The following UVSSA variants were observed in gnomAD, a reference collection of about 807,000 sequenced individuals.
The protein encoded by UVSSA is UV-stimulated scaffold protein A.
Under a neutral mutation model 73.9 loss-of-function variants are expected in UVSSA, and 72 were observed. That is an observed-to-expected ratio of 0.97 (90% CI 0.81 to 1.19). The LOEUF is 1.19. UVSSA is among the 50% of genes most tolerant of loss of function. The pLI is 0.00. For missense variants in UVSSA, 1,150 were observed against 965.0 expected (o/e 1.19, Z -2.54); for synonymous variants, 454 against 391.3 (o/e 1.16, Z -1.89).
intron 13 of UVSSA, chr4:1,384,284 C>G: frequency 3.3e-6 from 1 of 301,370 alleles, no homozygotes. Flanking sequence ...CCTGGCTGTA[C>G]CCCCAGGTCA....
intron 10 of UVSSA, among the ~76,000 whole-genome samples, chr4:1,376,830 G>A (rs1052030908): frequency 3.3e-5 from 5 of 152,216 alleles, no homozygotes; most frequent in Admixed American, 1.3e-4. Flanking sequence ...CCGCAGGACG[G>A]TTCTCCACAC....
In UVSSA at chr4:1,347,280, C is replaced by G. The variant is rs1227082857; in HGVS notation, c.-483C>G. On this transcript the variant is annotated 5_prime_UTR_variant, in exon 1 of 14. Coordinates refer to ENST00000389851, the MANE Select transcript of UVSSA (RefSeq NM_020894.4). ...CGGGCGGGGGTCGCGCCGGTTCGGTCCCCGGGGCTCTGCGGGCGCCGGGCA... is the reference window on the plus strand; with the variant it reads ...CGGGCGGGGGTCGCGCCGGTTCGGTGCCCGGGGCTCTGCGGGCGCCGGGCA... The G allele has an allele frequency of 2.2e-5, 3 of 138,898 alleles. No individual in the cohort carries two copies. Among genetic ancestry groups the G allele is most frequent in the African/African-American group, 4.9e-5 (2 of 40,828 alleles). The allele number at this position is 138,898 out of a possible 1,614,324, so 8.6% of individuals were successfully genotyped here. A position where few individuals can be genotyped will look rare whatever the true frequency, so the allele number is the denominator to read the frequency against.
rs558249341 is a variant in UVSSA at position 1,375,479 on chromosome 4, G to C, written c.1404G>C (p.Arg468=). ...CGGCTGCTCAGCTGCGGCAGCTCCG[G>C]GACCACTTGCCTCCACCCTCATCTG... ...TSAAAQLRQL[R]DHLPPPSSAS... is the part of the protein sequence containing the mutation. Residue 468 remains arginine (R), a synonymous_variant, in exon 9 of 14, where the codon CGG becomes CGC. Coordinates refer to ENST00000389851, the MANE Select transcript of UVSSA (RefSeq NM_020894.4). The C allele has an allele frequency of 5.7e-5, 92 of 1,611,838 alleles. 1 individual carries two copies. In the East Asian group the frequency reaches 2.0e-3, roughly 36 times the overall value.
At chr4:1,342,354 G>A (rs1236115395), upstream of UVSSA, among the ~76,000 whole-genome samples, 6 of 152,142 alleles carry the variant, frequency 3.9e-5, no homozygotes, top group Non-Finnish European at 8.8e-5. Context: ...ATTTTGACCT[G>A]ATGCGCTGAT....
rs778220986 is a variant in UVSSA, at chr4:1,383,902, T to C, written c.1998T>C (p.Asp666=). The change falls in exon 13 of 14, where the codon GAT becomes GAC. Residue 666 remains aspartate (D), a synonymous_variant. Coordinates refer to ENST00000389851, the MANE Select transcript of UVSSA (RefSeq NM_020894.4). ...TCACCAACCTGAAGGCTCAGGCTGA[T>C]ACCGCCCGCGCTCGCATTGGGAGAA... ...PSLTNLKAQA[D]TARARIGRKV... 1.2e-6 allele frequency: 2 copies of C among 1,613,320 alleles called. No homozygotes were observed. The highest frequency in any genetic ancestry group is 1.7e-5 in the Admixed American group (1 of 60,006).
At chr4:1,370,557 G>A (rs990268164) in intron 8 of UVSSA, among the ~76,000 whole-genome samples, 2 of 152,254 alleles carry the variant, frequency 1.3e-5, no homozygotes, top group South Asian at 4.1e-4. Flanking sequence ...AGGAGCTCCC[G>A]AGCGGGACAG....
At chr4:1,359,800 T>A (rs1416340288) in intron 7 of UVSSA, among the ~76,000 whole-genome samples, 6 of 152,112 alleles carry the variant, frequency 3.9e-5, no homozygotes, top group Non-Finnish European at 7.4e-5. Context: ...ATCTTTGGAG[T>A]TAGATGCCAG....
At chr4:1,369,132 C>T (rs1387151964) in intron 8 of UVSSA, among the ~76,000 whole-genome samples, 5 of 152,242 alleles carry the variant, frequency 3.3e-5, no homozygotes, top group African/African-American at 9.6e-5. Flanking sequence ...GCCGTTCTGC[C>T]GTTCTGCCGT....
At chr4:1,389,081 C>T (rs1453953695), downstream of UVSSA, 2 of 152,112 alleles carry the variant, frequency 1.3e-5, no homozygotes, top group Non-Finnish European at 2.9e-5. Flanking sequence ...TTCCCTAATT[C>T]AGTATCTTCA....
chr4:1,395,377 C>T (rs1185992393), exon 14 of UVSSA: 2 of 1,558,918 alleles, frequency 1.3e-6, no homozygotes, highest in Non-Finnish European at 8.6e-7. Flanking sequence ...ATGTGGAGTG[C>T]CCGCCTGCTC....
At chr4:1,365,488 G>A (rs1717187044) in intron 7 of UVSSA, among the ~76,000 whole-genome samples, 1 of 152,210 alleles carries the variant, frequency 6.6e-6, no homozygotes. Flanking sequence ...AGGGGAAAAA[G>A]AAAGCAAGCC....
At chr4:1,381,514 G>A (rs1719499141) in intron 12 of UVSSA, among the ~76,000 whole-genome samples, 1 of 152,168 alleles carries the variant, frequency 6.6e-6, no homozygotes, top group African/African-American at 2.4e-5. Flanking sequence ...GGGCAGCACT[G>A]CCACATCAGC....
In UVSSA at chr4:1,385,618, C is replaced by T. The variant is rs564966898; in HGVS notation, c.2037-250C>T. 492 of 543,724 alleles carry T rather than the reference C, an allele frequency of 9.0e-4. 4 individuals carry two copies. The East Asian group carries it at 0.012, about 13-fold the overall frequency. 33.7% of individuals were successfully genotyped at this position (543,724 alleles called of 1,614,324 possible). On this transcript the variant is annotated intron_variant, in intron 13 of 13. Transcript: ENST00000389851. ...GGTGGGGCTGGGGCCACCTTCACCG[C>T]GCAGAACCACCCGCCGCAGACTCCG...
rs144339897 is a variant in UVSSA at position 1,353,025 on chromosome 4, G to A, written c.551-5G>A. The stretch of plus-strand genomic sequence containing the variant: ...CAGCAAACAGGTGTCTTGATCTTCC[G>A]GCAGAAATGTCTGGAGAAATTGAAT... On this transcript the variant is annotated splice_polypyrimidine_tract_variant and splice_region_variant and intron_variant, in intron 4 of 13. Transcript: ENST00000389851. 2.1e-4 allele frequency: 344 copies of A among 1,603,490 alleles called. No homozygotes were observed. The highest frequency in any genetic ancestry group is 1.4e-3 in the African/African-American group (103 of 74,894).
chr4:1,388,054 C>T (rs1440332224), downstream of UVSSA: 1 of 151,606 alleles, frequency 6.6e-6, no homozygotes, highest in African/African-American at 2.4e-5. Context: ...TCATGAGCTT[C>T]TGATTATCTT....
In UVSSA at chr4:1,349,730, C is replaced by G. The variant is rs372384911; in HGVS notation, c.305C>G (p.Pro102Arg). ...GTDPAQPLPP[P>R]REAAQRLRQA... is the part of the protein sequence containing the mutation. ...GACCCCGCACAGCCTCTGCCGCCCCCCAGGGAGGCGGCACAGAGGCTGAGG... is the reference window on the plus strand; with the variant it reads ...GACCCCGCACAGCCTCTGCCGCCCCGCAGGGAGGCGGCACAGAGGCTGAGG... Residue 102 changes from proline (P) to arginine (R), a missense_variant, in exon 3 of 14, where the codon CCC becomes CGC. Transcript: ENST00000389851. 2.0e-5 allele frequency: 33 copies of G among 1,613,624 alleles called. No homozygotes were observed. The highest frequency in any genetic ancestry group is 4.5e-5 in the East Asian group (2 of 44,878).
At chr4:1,363,640 C>G (rs1268305484) in intron 7 of UVSSA, among the ~76,000 whole-genome samples, 2 of 152,210 alleles carry the variant, frequency 1.3e-5, no homozygotes, top group Non-Finnish European at 2.9e-5. Flanking sequence ...TGCTCTCCAC[C>G]TTTCATAAAT....
intron 4 of UVSSA, 27 bp downstream of exon 4, chr4:1,351,862 C>T (rs766354705): frequency 6.2e-7 from 1 of 1,609,984 alleles, no homozygotes; most frequent in East Asian, 2.2e-5. Context: ...GAGGGAGGGG[C>T]CCACGCCTCT....
At chr4:1,368,296 C>T (rs1016676055) in intron 8 of UVSSA, among the ~76,000 whole-genome samples, 1 of 152,262 alleles carries the variant, frequency 6.6e-6, no homozygotes, top group African/African-American at 2.4e-5. Flanking sequence ...AGTTACACAT[C>T]TTAGACGGGG....
Sources: gnomAD v4.1 joint callset for allele counts (sites outside exome capture counted in the v4.1 genomes callset) on GRCh38, gnomAD v4.1.1 for gene constraint, MANE v1.5 for transcripts, NCBI Gene and HGNC (gene_info 2026-07-23, HGNC 2026-07-21) for gene names.